The following NELL2 variants were observed in gnomAD, a reference collection of about 807,000 sequenced individuals.
NELL2 encodes the protein neural EGFL like 2.
In NELL2, 41 loss-of-function variants were observed where a neutral mutation model predicts 109.6. The ratio of observed to expected loss-of-function variants is 0.37; its 90% CI spans 0.29 to 0.49. The LOEUF is 0.49. Ranked by LOEUF, NELL2 falls within the 20% of genes least tolerant of loss-of-function variation. NELL2 has a pLI of 0.98. For missense variants in NELL2, 900 were observed against 1,008.3 expected, an observed-to-expected ratio of 0.89 and a Z score of 1.45; for synonymous variants, 355 against 344.7, an observed-to-expected ratio of 1.03 and a Z score of -0.33.
intron 2 of NELL2, among the ~76,000 whole-genome samples, chr12:44,818,014 C>T (rs766427980): frequency 6.6e-6 from 1 of 152,284 alleles, no homozygotes; most frequent in South Asian, 2.1e-4. Flanking sequence ...AAGAAACTCT[C>T]CTGTTGCCGA....
chr12:44,664,124 TTTTA>T (rs1281504177), intron 13 of NELL2, among the ~76,000 whole-genome samples: 4 of 152,136 alleles, frequency 2.6e-5, no homozygotes, highest in Non-Finnish European at 4.4e-5. Context: ...GATATATTCC[TTTTA>T]TTTATTATAA....
At chr12:44,623,536 A>G (rs547914912) in intron 13 of NELL2, among the ~76,000 whole-genome samples, 6 of 152,054 alleles carry the variant, frequency 3.9e-5, no homozygotes, top group Non-Finnish European at 8.8e-5. Context: ...ACTCAGAATC[A>G]TTCACTTTTA....
chr12:44,598,239 G>A (rs1194996468), intron 15 of NELL2, among the ~76,000 whole-genome samples: 13 of 134,608 alleles, frequency 9.7e-5, no homozygotes, highest in African/African-American at 3.5e-4. Context: ...ACTGCTGTAA[G>A]GTTTTTTTTT....
intron 12 of NELL2, among the ~76,000 whole-genome samples, chr12:44,699,503 G>A (rs59608742): frequency 6.6e-6 from 1 of 152,226 alleles, no homozygotes; most frequent in East Asian, 1.9e-4. Context: ...GAGAAAAAGT[G>A]GGTCGGGCAG....
chr12:44,666,507 A>C (rs1947930533), intron 12 of NELL2, among the ~76,000 whole-genome samples: 1 of 152,204 alleles, frequency 6.6e-6, no homozygotes, highest in Admixed American at 6.5e-5. Context: ...CTGTTAAGAG[A>C]AATGGATCAA....
intron 15 of NELL2, among the ~76,000 whole-genome samples, chr12:44,578,033 C>A (rs181194553): frequency 6.6e-6 from 1 of 152,122 alleles, no homozygotes. Flanking sequence ...TAAGAGCTGG[C>A]CCGTACTTAT....
intron 1 of NELL2, among the ~76,000 whole-genome samples, chr12:44,920,791 A>C (rs1945863122): frequency 6.6e-6 from 1 of 152,206 alleles, no homozygotes; most frequent in Non-Finnish European, 1.5e-5. Flanking sequence ...TTATATTTAC[A>C]CAGCAAGAGA....
intron 2 of NELL2, among the ~76,000 whole-genome samples, chr12:44,858,989 G>C (rs1438310576): frequency 6.6e-6 from 1 of 152,114 alleles, no homozygotes. Flanking sequence ...ATTTTACTCT[G>C]TTTCTTCTTA....
intron 12 of NELL2, among the ~76,000 whole-genome samples, chr12:44,691,651 T>G (rs1179694156): frequency 6.6e-6 from 1 of 152,016 alleles, no homozygotes; most frequent in African/African-American, 2.4e-5. Context: ...AAGTTGTAAA[T>G]GCAAAGGAAG....
intron 15 of NELL2, among the ~76,000 whole-genome samples, chr12:44,573,998 A>G (rs1298395002): frequency 6.6e-6 from 1 of 152,204 alleles, no homozygotes; most frequent in African/African-American, 2.4e-5. Flanking sequence ...CATGCAATCC[A>G]ATAACCTCCC....
chr12:44,521,822 A>G (rs1302376150), intron 18 of NELL2, 178 bp downstream of exon 18: 12 of 593,722 alleles, frequency 2.0e-5, no homozygotes, highest in Non-Finnish European at 3.5e-5. Context: ...ACCTCAGAAT[A>G]TTCCTTCTTG....
In NELL2 at chr12:44,549,408, G is replaced by C. The variant is rs1942937209; in HGVS notation, c.1664-16687C>G. Among the ~76,000 whole-genome samples the C allele has an allele frequency of 2.6e-5, 4 of 152,144 alleles. No homozygotes were observed. The South Asian group carries it at 8.3e-4, about 32-fold the overall frequency. On this transcript the variant is annotated intron_variant, in intron 15 of 19. Coordinates refer to ENST00000429094, the MANE Select transcript of NELL2 (RefSeq NM_001145108.2). ...GGAAGGGTGGGAGAGAGATTAGAAG[G>C]AGTTTGAGACTCTAAAATGTCTGCC...
intron 2 of NELL2, among the ~76,000 whole-genome samples, chr12:44,844,304 A>G (rs1055177995): frequency 2.0e-5 from 3 of 152,242 alleles, no homozygotes; most frequent in African/African-American, 7.2e-5. Flanking sequence ...TATCAACAAA[A>G]GAAGAGAAAA....
At chr12:44,785,079 A>C (rs1317507969) in intron 3 of NELL2, among the ~76,000 whole-genome samples, 1 of 152,224 alleles carries the variant, frequency 6.6e-6, no homozygotes, top group African/African-American at 2.4e-5. Context: ...ATAGGAAGAA[A>C]GGAAGGCAAA....
chr12:44,708,035 T>G (rs1020267094), intron 11 of NELL2, among the ~76,000 whole-genome samples: 1 of 152,148 alleles, frequency 6.6e-6, no homozygotes, highest in African/African-American at 2.4e-5. Flanking sequence ...TTAATGATCT[T>G]GCAGGCAGAC....
intron 9 of NELL2, among the ~76,000 whole-genome samples, chr12:44,745,217 C>G (rs904693840): frequency 3.9e-5 from 6 of 151,956 alleles, no homozygotes; most frequent in African/African-American, 9.7e-5. Context: ...ATTATCTCAA[C>G]AGATGCAGAA....
chr12:44,734,596 C>A (rs1392865872), intron 9 of NELL2, among the ~76,000 whole-genome samples: 1 of 151,516 alleles, frequency 6.6e-6, no homozygotes, highest in Non-Finnish European at 1.5e-5. Context: ...TTCAATTTTC[C>A]CCTACACTCA....
At chr12:44,595,593 A>ATTTTTTTTTT (rs57566164) in intron 15 of NELL2, among the ~76,000 whole-genome samples, 73 of 121,286 alleles carry the variant, frequency 6.0e-4, no homozygotes, top group Non-Finnish European at 9.6e-4. Flanking sequence ...CACCCAGCTA[A>ATTTTTTTTTT]TTTTTTTTTT....
intron 2 of NELL2, among the ~76,000 whole-genome samples, chr12:44,872,351 T>C (rs1945188378): frequency 6.6e-6 from 1 of 152,194 alleles, no homozygotes; most frequent in Non-Finnish European, 1.5e-5. Context: ...AGCATCTTAT[T>C]ACTTGAATTT....
Sources: allele counts gnomAD v4.1 joint callset (sites outside exome capture counted in the v4.1 genomes callset), GRCh38; gene constraint gnomAD v4.1.1; transcripts MANE v1.5; gene names NCBI Gene and HGNC (gene_info 2026-07-23, HGNC 2026-07-21).